The following ODAD2 variants were observed in gnomAD, a reference collection of about 807,000 sequenced individuals.
The protein encoded by ODAD2 is outer dynein arm docking complex subunit 2.
A neutral mutation model predicts 106.8 loss-of-function variants in ODAD2; 89 were observed. That is an observed-to-expected ratio of 0.83 (90% confidence interval 0.70 to 0.99). ODAD2 has a LOEUF of 0.99. Ranked by LOEUF, ODAD2 falls within the 50% of genes least tolerant of loss-of-function variation. ODAD2 has a pLI of 0.00. For synonymous variants in ODAD2, 404 were observed against 436.2 expected, an observed-to-expected ratio of 0.93 and a Z score of 0.92; for missense variants, 1,168 against 1,238.5, an observed-to-expected ratio of 0.94 and a Z score of 0.85.
chr10:27,979,231 C>CAAAAA (rs1313032503), intron 7 of ODAD2, among the ~76,000 whole-genome samples: 2 of 41,870 alleles, frequency 4.8e-5, no homozygotes. Flanking sequence ...GACTCCATCT[C>CAAAAA]AAAAAAAAAA....
intron 17 of ODAD2, among the ~76,000 whole-genome samples, chr10:27,867,669 G>T (rs559687124): frequency 6.6e-6 from 1 of 152,124 alleles, no homozygotes; most frequent in East Asian, 1.9e-4. Flanking sequence ...ATAAGCAAGG[G>T]CTGGGTGCAG....
intron 10 of ODAD2, among the ~76,000 whole-genome samples, chr10:27,946,768 T>C (rs1182000788): frequency 6.6e-6 from 1 of 152,180 alleles, no homozygotes; most frequent in Non-Finnish European, 1.5e-5. Flanking sequence ...ATGACACATG[T>C]ACACATATGC....
intron 6 of ODAD2, among the ~76,000 whole-genome samples, chr10:27,982,389 T>G (rs548494496): frequency 5.9e-5 from 9 of 152,188 alleles, no homozygotes; most frequent in Non-Finnish European, 2.9e-5. Context: ...GTTATATGTA[T>G]GTAGATCAAT....
At chr10:27,896,318 T>C (rs1842851078) in intron 17 of ODAD2, among the ~76,000 whole-genome samples, 1 of 152,236 alleles carries the variant, frequency 6.6e-6, no homozygotes, top group African/African-American at 2.4e-5. Flanking sequence ...CTAGGAAAAG[T>C]CTGACTTTGA....
At chr10:27,835,813 T>C (rs1163876383) in intron 19 of ODAD2, among the ~76,000 whole-genome samples, 2 of 151,770 alleles carry the variant, frequency 1.3e-5, no homozygotes, top group Non-Finnish European at 2.9e-5. Context: ...TAACCCCAGC[T>C]ACCTCGGGAG....
chr10:27,992,525 CA>C (rs1297198899), intron 2 of ODAD2, among the ~76,000 whole-genome samples: 1 of 151,838 alleles, frequency 6.6e-6, no homozygotes, highest in Non-Finnish European at 1.5e-5. Flanking sequence ...CCTGTCTCTA[CA>C]AAAAAATAGA....
intron 19 of ODAD2, among the ~76,000 whole-genome samples, chr10:27,856,407 T>C (rs1369180741): frequency 6.6e-6 from 1 of 152,162 alleles, no homozygotes; most frequent in Non-Finnish European, 1.5e-5. Flanking sequence ...TGCTCTTCCT[T>C]TGGCTTCTAG....
intron 19 of ODAD2, among the ~76,000 whole-genome samples, chr10:27,814,135 T>C (rs764974307): frequency 6.6e-6 from 1 of 152,056 alleles, no homozygotes; most frequent in Non-Finnish European, 1.5e-5. Context: ...AAATGGAATT[T>C]ATTGGGCAAA....
chr10:27,968,320 GA>G (rs1322821362), intron 9 of ODAD2, among the ~76,000 whole-genome samples: 126 of 136,524 alleles, frequency 9.2e-4, no homozygotes, highest in African/African-American at 3.4e-3. Flanking sequence ...ACAACGTAGA[GA>G]AAAAAATAAC....
intron 13 of ODAD2, among the ~76,000 whole-genome samples, chr10:27,940,323 G>T (rs961279309): frequency 6.6e-6 from 1 of 151,340 alleles, no homozygotes. Context: ...CAGCATATAC[G>T]TGTGAGATTT....
chr10:27,950,655 C>T (rs767159063), intron 10 of ODAD2, among the ~76,000 whole-genome samples: 5 of 151,460 alleles, frequency 3.3e-5, no homozygotes, highest in Admixed American at 1.3e-4. Context: ...GGTGTGATCT[C>T]GGCTCACTGC....
chr10:27,967,227 A>G (rs970342410), intron 9 of ODAD2, among the ~76,000 whole-genome samples: 2 of 151,784 alleles, frequency 1.3e-5, no homozygotes, highest in African/African-American at 4.8e-5. Context: ...CTAGGGCTCT[A>G]CCTTTATCAG....
At chr10:27,918,992 A>T (rs12768418) in intron 16 of ODAD2, among the ~76,000 whole-genome samples, 32,067 of 151,652 alleles carry the variant, frequency 0.21, 3,888 homozygotes, top group Middle Eastern at 0.31. Flanking sequence ...AGTATAATGG[A>T]AAATGTGCAA....
At chr10:27,874,470 C>T (rs1039532351) in intron 17 of ODAD2, among the ~76,000 whole-genome samples, 11 of 152,126 alleles carry the variant, frequency 7.2e-5, no homozygotes, top group African/African-American at 2.7e-4. Context: ...TACATTTTGG[C>T]ATGTTTTTGC....
chr10:27,909,610 G>C (rs1166027958), intron 16 of ODAD2, among the ~76,000 whole-genome samples: 1 of 151,924 alleles, frequency 6.6e-6, no homozygotes, highest in Non-Finnish European at 1.5e-5. Context: ...TTGAGGTCAG[G>C]AGTTCAAGAC....
At chr10:27,896,208 T>G (rs1842844027) in intron 17 of ODAD2, among the ~76,000 whole-genome samples, 1 of 152,240 alleles carries the variant, frequency 6.6e-6, no homozygotes, top group African/African-American at 2.4e-5. Context: ...ATTTTGTCCC[T>G]GCATATTTAG....
chr10:27,827,803 C>A (rs1257270766), intron 19 of ODAD2, among the ~76,000 whole-genome samples: 1 of 152,202 alleles, frequency 6.6e-6, no homozygotes. Flanking sequence ...TTTAATGGCT[C>A]CCCAATGTCA....
chr10:27,885,273 A>G (rs1236831824), intron 17 of ODAD2, among the ~76,000 whole-genome samples: 1 of 151,204 alleles, frequency 6.6e-6, no homozygotes, highest in East Asian at 1.9e-4. Context: ...GCACTTTGGG[A>G]GGTCGAGGTG....
chr10:27,901,778 T>G (rs138090734), intron 17 of ODAD2, among the ~76,000 whole-genome samples: 2 of 152,188 alleles, frequency 1.3e-5, no homozygotes, highest in East Asian at 1.9e-4. Flanking sequence ...TAAATATATA[T>G]GCACCCAGTA....
Sources: allele counts gnomAD v4.1 joint callset (sites outside exome capture counted in the v4.1 genomes callset), GRCh38; gene constraint gnomAD v4.1.1; transcripts MANE v1.5; gene names NCBI Gene and HGNC (gene_info 2026-07-23, HGNC 2026-07-21).